Variants in LYPLAL1 observed in about 807,000 individuals in gnomAD.
LYPLAL1 encodes lysophospholipase like 1.
LYPLAL1 carries 23 observed loss-of-function variants against 19.7 expected under a neutral mutation model. The observed-to-expected ratio is 1.17, with a 90% confidence interval of 0.84 to 1.65. LYPLAL1 has a LOEUF of 1.65. Ranked by LOEUF, LYPLAL1 falls within the 40% of genes most tolerant of loss-of-function variation. LYPLAL1 has a pLI of 0.00. For missense variants in LYPLAL1, 355 were observed against 279.4 expected (o/e 1.27, Z -1.93); for synonymous variants, 119 against 96.3 (o/e 1.24, Z -1.38).
chr1:219,229,239 G>A, the LYPLAL1 span, among the ~76,000 whole-genome samples: 1 of 151,092 alleles, frequency 6.6e-6, no homozygotes, highest in Admixed American at 6.6e-5. Flanking sequence ...GCGGGGAAGG[G>A]TGTGGTCCCT....
the LYPLAL1 span, among the ~76,000 whole-genome samples, chr1:219,403,225 A>G: frequency 6.6e-6 from 1 of 152,222 alleles, no homozygotes; most frequent in Non-Finnish European, 1.5e-5. Context: ...TAGGTATACA[A>G]TGAAGAGAAG....
rs2125007094 is a variant in LYPLAL1, at chr1:219,174,229, C to G, written c.91+248C>G. The stretch of plus-strand genomic sequence containing the variant: ...CTCGCTTTGGGGCCTTGTGTCCCGC[C>G]GCTCAGCCAGCCCTCCATCCCCACA... On this transcript the variant is annotated intron_variant, in intron 1 of 4. Coordinates refer to ENST00000366928, the MANE Select transcript of LYPLAL1 (RefSeq NM_138794.5). The G allele has an allele frequency of 1.4e-5, 19 of 1,384,224 alleles. 1 individual carries two copies. In the South Asian group the frequency reaches 2.9e-4, roughly 21 times the overall value. The allele number at this position is 1,384,224 out of a possible 1,614,324, so 85.7% of individuals were successfully genotyped here.
At chr1:219,320,704 G>C in the LYPLAL1 span, among the ~76,000 whole-genome samples, 13 of 152,022 alleles carry the variant, frequency 8.6e-5, no homozygotes, top group East Asian at 2.5e-3. Flanking sequence ...GGTTTTCTGT[G>C]CTTGCGATAG....
chr1:219,407,790 A>T, the LYPLAL1 span, among the ~76,000 whole-genome samples: 3 of 152,152 alleles, frequency 2.0e-5, no homozygotes, highest in African/African-American at 7.2e-5. Flanking sequence ...ATTTACACTC[A>T]TAATTCTGGA....
the LYPLAL1 span, among the ~76,000 whole-genome samples, chr1:219,285,212 A>G: frequency 1.3e-5 from 2 of 152,230 alleles, no homozygotes; most frequent in African/African-American, 4.8e-5. Context: ...TCTCATCTTC[A>G]TCTTTAAACA....
At chr1:219,224,330 A>AG in the LYPLAL1 span, among the ~76,000 whole-genome samples, 1 of 152,216 alleles carries the variant, frequency 6.6e-6, no homozygotes, top group East Asian at 1.9e-4. Context: ...AAGTGGCAAG[A>AG]GAAAAAATAT....
chr1:219,414,363 T>C, the LYPLAL1 span, among the ~76,000 whole-genome samples: 3 of 152,190 alleles, frequency 2.0e-5, no homozygotes, highest in African/African-American at 7.2e-5. Context: ...AGAGTTACAA[T>C]AGCTTTAGCA....
the LYPLAL1 span, among the ~76,000 whole-genome samples, chr1:219,281,290 AAAAAAT>A: frequency 6.7e-6 from 1 of 148,906 alleles, no homozygotes; most frequent in Non-Finnish European, 1.5e-5. Context: ...CAGTAACTTA[AAAAAAT>A]AAAAATAAAG....
In LYPLAL1 at chr1:219,193,262, T is replaced by C. The variant is rs1657342039; in HGVS notation, c.361+11T>C. The C allele has an allele frequency of 6.3e-7, 1 of 1,593,712 alleles. No individual in the cohort carries two copies. The highest frequency in any genetic ancestry group is 1.3e-5 in the African/African-American group (1 of 74,246). ...ACAGGATATTAATAGGTAAGACCTT[T>C]AAATGTTGGTAATTTATCACTGTTC... On this transcript the variant is annotated intron_variant, in intron 3 of 4. Transcript: ENST00000366928.
chr1:219,261,242 A>C, the LYPLAL1 span, among the ~76,000 whole-genome samples: 1 of 152,192 alleles, frequency 6.6e-6, no homozygotes, highest in African/African-American at 2.4e-5. Context: ...GAACTTGTAC[A>C]TCTAAGCAGT....
Position 219,173,878 on chromosome 1 carries a change from A to C in LYPLAL1, c.-13A>C, listed in dbSNP as rs755417392. The stretch of plus-strand genomic sequence containing the variant: ...GCAGGGGCGGAACCGCATGACTGGC[A>C]GTGGCATCAGCGATGGCGGCTGCGT... On this transcript the variant is annotated 5_prime_UTR_variant, in exon 1 of 5. Coordinates refer to ENST00000366928, the MANE Select transcript of LYPLAL1 (RefSeq NM_138794.5). 19 of 1,611,148 alleles carry C rather than the reference A, an allele frequency of 1.2e-5. No homozygotes were observed. The South Asian group carries it at 1.4e-4, about 12-fold the overall frequency.
At chr1:219,441,044 C>A in the LYPLAL1 span, among the ~76,000 whole-genome samples, 1 of 152,038 alleles carries the variant, frequency 6.6e-6, no homozygotes, top group South Asian at 2.1e-4. Flanking sequence ...AAGCATGATA[C>A]GTGAAACCAC....
chr1:219,416,392 T>C, the LYPLAL1 span, among the ~76,000 whole-genome samples: 2 of 152,160 alleles, frequency 1.3e-5, no homozygotes, highest in Admixed American at 6.6e-5. Flanking sequence ...ATGATTTTGG[T>C]GCAGGACAGG....
At chr1:219,258,525 A>C in the LYPLAL1 span, among the ~76,000 whole-genome samples, 1 of 152,060 alleles carries the variant, frequency 6.6e-6, no homozygotes, top group African/African-American at 2.4e-5. Context: ...CTTAAACGTA[A>C]GGTATATCTT....
the LYPLAL1 span, among the ~76,000 whole-genome samples, chr1:219,247,152 A>T: frequency 7.6e-3 from 1,153 of 152,328 alleles, 4 homozygotes; most frequent in South Asian, 0.023. Context: ...CTTTGTTAGC[A>T]ATTATAACTA....
the LYPLAL1 span, among the ~76,000 whole-genome samples, chr1:219,328,354 C>T: frequency 1.3e-5 from 2 of 152,152 alleles, no homozygotes; most frequent in East Asian, 1.9e-4. Flanking sequence ...ATGTACCCTT[C>T]GTGAATGATT....
the LYPLAL1 span, among the ~76,000 whole-genome samples, chr1:219,332,094 AT>A: frequency 1.3e-5 from 2 of 152,186 alleles, no homozygotes; most frequent in Non-Finnish European, 2.9e-5. Flanking sequence ...ATGTTGTGTC[AT>A]TTCACACTTA....
chr1:219,279,453 A>G, the LYPLAL1 span, among the ~76,000 whole-genome samples: 2 of 152,218 alleles, frequency 1.3e-5, no homozygotes, highest in Admixed American at 1.3e-4. Flanking sequence ...AGGACATTGG[A>G]TGAAAACAAT....
At chr1:219,297,758 A>G in the LYPLAL1 span, among the ~76,000 whole-genome samples, 2 of 152,210 alleles carry the variant, frequency 1.3e-5, no homozygotes, top group African/African-American at 4.8e-5. Flanking sequence ...GACATTTCCC[A>G]GATTCTCTGG....
Sources: allele counts gnomAD v4.1 joint callset (sites outside exome capture counted in the v4.1 genomes callset), GRCh38; gene constraint gnomAD v4.1.1; transcripts MANE v1.5; gene names NCBI Gene and HGNC (gene_info 2026-07-23, HGNC 2026-07-21).